GNA12: variants seen among roughly 807,000 people sequenced by gnomAD.
GNA12 encodes guanine nucleotide-binding protein subunit alpha-12.
A neutral mutation model predicts 26.0 loss-of-function variants in GNA12; 9 were observed. That is an observed-to-expected ratio of 0.35 (90% CI 0.21 to 0.60). GNA12 has a LOEUF of 0.60. Among genes scored for constraint, GNA12 ranks in the 20% least tolerant of loss-of-function variants. GNA12 has a pLI of 0.78. For synonymous variants in GNA12, 264 were observed against 219.6 expected (o/e 1.20, Z -1.79); for missense variants, 405 against 525.8 (o/e 0.77, Z 2.25).
intron 2 of GNA12, among the ~76,000 whole-genome samples, chr7:2,738,336 G>T (rs778023184): frequency 1.3e-5 from 2 of 152,030 alleles, no homozygotes; most frequent in South Asian, 4.1e-4. Context: ...ACAAAGTGAC[G>T]CAGGCACAAG....
At chr7:2,799,665 G>A (rs1431013977) in intron 1 of GNA12, among the ~76,000 whole-genome samples, 2 of 151,700 alleles carry the variant, frequency 1.3e-5, no homozygotes, top group Non-Finnish European at 2.9e-5. Context: ...AGAATGAAAT[G>A]AAGAGAAAAA....
intron 2 of GNA12, among the ~76,000 whole-genome samples, chr7:2,777,130 G>A (rs749655813): frequency 3.9e-5 from 6 of 152,260 alleles, no homozygotes; most frequent in African/African-American, 1.4e-4. Flanking sequence ...AGTGGACTGA[G>A]GGGAGACACT....
chr7:2,844,187 C>A lies in GNA12; in HGVS notation c.-26G>T. 1.0e-6 allele frequency: 1 copy of A among 977,752 alleles called. No individual in the cohort carries two copies. The highest frequency in any genetic ancestry group is 1.2e-6 in the Non-Finnish European group (1 of 825,206). 60.6% of individuals were successfully genotyped at this position (977,752 alleles called of 1,614,324 possible). On this transcript the variant is annotated 5_prime_UTR_variant, in exon 1 of 4. Coordinates refer to ENST00000275364, the MANE Select transcript of GNA12 (RefSeq NM_007353.3). ...GGCCCCTCAGGCCGCGGCCGCGCCC[C>A]GCCGGCGCCCGGGGGCCATGGACGC...
At chr7:2,806,588 TA>T (rs1468213386) in intron 1 of GNA12, among the ~76,000 whole-genome samples, 1 of 152,092 alleles carries the variant, frequency 6.6e-6, no homozygotes, top group African/African-American at 2.4e-5. Flanking sequence ...ATTAAATCCT[TA>T]AAAATATCAC....
At chr7:2,808,526 T>C (rs972114650) in intron 1 of GNA12, among the ~76,000 whole-genome samples, 1 of 152,168 alleles carries the variant, frequency 6.6e-6, no homozygotes, top group Non-Finnish European at 1.5e-5. Context: ...GAGAGGGACC[T>C]GGGCCGCACA....
intron 1 of GNA12, chr7:2,814,881 C>A: frequency 6.2e-7 from 1 of 1,602,774 alleles, no homozygotes; most frequent in East Asian, 2.3e-5. Context: ...ACTCACACGA[C>A]TGCCAGGCAT....
rs759465274 is a variant in GNA12, at chr7:2,730,079, T to G, written c.*1102A>C. ...CCAAAGGCACTGGTGGAGCGGCAGT[T>G]TGGAGAAACTCAAGATTCCTCCAGC... On this transcript the variant is annotated 3_prime_UTR_variant, in exon 4 of 4. Transcript: ENST00000275364. 6.6e-6 allele frequency: 1 copy of G among 152,228 alleles called. No homozygotes were observed. The highest frequency in any genetic ancestry group is 1.5e-5 in the Non-Finnish European group (1 of 68,048). The allele number at this position is 152,228 out of a possible 1,614,324, so 9.4% of individuals were successfully genotyped here. A position where few individuals can be genotyped will look rare whatever the true frequency, so the allele number is the denominator to read the frequency against.
At chr7:2,833,607 A>G (rs1778744844) in intron 1 of GNA12, among the ~76,000 whole-genome samples, 2 of 152,242 alleles carry the variant, frequency 1.3e-5, no homozygotes, top group Admixed American at 1.3e-4. Flanking sequence ...GGACTTAGTT[A>G]GCTGACGGAA....
At chr7:2,740,556 A>G (rs895391572) in intron 2 of GNA12, among the ~76,000 whole-genome samples, 1 of 152,162 alleles carries the variant, frequency 6.6e-6, no homozygotes, top group Non-Finnish European at 1.5e-5. Context: ...ACCCAGTCAG[A>G]GTATTTTGTT....
intron 1 of GNA12, among the ~76,000 whole-genome samples, chr7:2,812,779 T>C (rs538644097): frequency 6.6e-6 from 1 of 151,398 alleles, no homozygotes; most frequent in African/African-American, 2.4e-5. Context: ...GACGTTACAT[T>C]TATAAAACTC....
At position 2,763,824 on chromosome 7, in the gene GNA12, G is replaced by A. The variant is rs1791688702; in HGVS notation, c.526-30323C>T. On this transcript the variant is annotated intron_variant, in intron 2 of 3. Coordinates refer to ENST00000275364, the MANE Select transcript of GNA12 (RefSeq NM_007353.3). ...CTGGGCAGGCGAGGCCGGGACCTCT[G>A]CACTGAGATCCCCACTCAGTGGCCT... Among the ~76,000 whole-genome samples the A allele has an allele frequency of 2.0e-5, 3 of 152,324 alleles. No homozygotes were observed. The South Asian group carries it at 6.2e-4, about 32-fold the overall frequency.
intron 2 of GNA12, among the ~76,000 whole-genome samples, chr7:2,765,762 C>T (rs988520820): frequency 6.6e-6 from 1 of 152,084 alleles, no homozygotes; most frequent in Non-Finnish European, 1.5e-5. Context: ...TCCTGAGTAG[C>T]TGGGACTATA....
Position 2,760,724 on chromosome 7 carries a change from C to A in GNA12, c.526-27223G>T, listed in dbSNP as rs965435849. Among the ~76,000 whole-genome samples, 4 of 152,350 alleles carry A rather than the reference C, an allele frequency of 2.6e-5. No individual in the cohort carries two copies. In the Middle Eastern group the frequency reaches 0.01, roughly 389 times the overall value. On this transcript the variant is annotated intron_variant, in intron 2 of 3. Transcript: ENST00000275364. The stretch of plus-strand genomic sequence containing the variant: ...CCTTCTACAGGCAGCTTATCCAGAG[C>A]TAAGTTTAGCTACGACCATTTCTAA...
chr7:2,795,691 A>G (rs1198106308), intron 1 of GNA12, among the ~76,000 whole-genome samples: 1 of 151,998 alleles, frequency 6.6e-6, no homozygotes, highest in Non-Finnish European at 1.5e-5. Flanking sequence ...CACCACAGAA[A>G]GAAGTCTGCT....
chr7:2,747,135 A>C (rs977928532), intron 2 of GNA12, among the ~76,000 whole-genome samples: 6 of 152,148 alleles, frequency 3.9e-5, no homozygotes, highest in Non-Finnish European at 8.8e-5. Flanking sequence ...ATTCCAATCA[A>C]TAGAAAAAGA....
At chr7:2,793,457 G>C (rs1792571826) in intron 2 of GNA12, among the ~76,000 whole-genome samples, 1 of 152,190 alleles carries the variant, frequency 6.6e-6, no homozygotes. Flanking sequence ...TAGTGGTTAA[G>C]ATGTTAACAT....
chr7:2,759,307 G>A (rs1247754491), intron 2 of GNA12, among the ~76,000 whole-genome samples: 12 of 152,124 alleles, frequency 7.9e-5, no homozygotes, highest in Non-Finnish European at 1.6e-4. Flanking sequence ...AGGAAACAAA[G>A]CGCTAGCTGT....
chr7:2,756,437 A>C (rs1339601940), intron 2 of GNA12, among the ~76,000 whole-genome samples: 2 of 152,006 alleles, frequency 1.3e-5, no homozygotes, highest in Non-Finnish European at 2.9e-5. Context: ...ATAGAGTGAG[A>C]CCTCATCTCT....
At chr7:2,838,912 A>G (rs936528176) in intron 1 of GNA12, among the ~76,000 whole-genome samples, 2 of 152,256 alleles carry the variant, frequency 1.3e-5, no homozygotes, top group African/African-American at 2.4e-5. Context: ...TGATAGAGCT[A>G]AAGAAGAAAT....
Sources: allele counts gnomAD v4.1 joint callset (sites outside exome capture counted in the v4.1 genomes callset), GRCh38; gene constraint gnomAD v4.1.1; transcripts MANE v1.5; gene names NCBI Gene and HGNC (gene_info 2026-07-23, HGNC 2026-07-21).